Variants in NWD2 observed in about 807,000 individuals in gnomAD.
NWD2 encodes the protein NACHT and WD repeat domain containing 2, also known as NACHT and WD repeat domain-containing protein 2.
A neutral mutation model predicts 132.7 loss-of-function variants in NWD2; 37 were observed. The ratio of observed to expected loss-of-function variants is 0.28; its 90% CI spans 0.21 to 0.37. The LOEUF (loss-of-function observed/expected upper bound fraction) is 0.37. Ranked by LOEUF, NWD2 falls within the 10% of genes least tolerant of loss-of-function variation. The pLI, the probability that NWD2 is intolerant of heterozygous loss-of-function variation, is 1.00. For synonymous variants in NWD2, 705 were observed against 803.0 expected (o/e 0.88, Z 2.06); for missense variants, 1,592 against 2,122.4 (o/e 0.75, Z 4.91).
chr4:37,362,416 A>C (rs1010974171), intron 3 of NWD2, among the ~76,000 whole-genome samples: 1 of 152,184 alleles, frequency 6.6e-6, no homozygotes, highest in African/African-American at 2.4e-5. Context: ...CCAACTTCAA[A>C]CTATGCTATA....
At chr4:37,398,183 A>G (rs892385216) in intron 3 of NWD2, among the ~76,000 whole-genome samples, 1 of 152,216 alleles carries the variant, frequency 6.6e-6, no homozygotes, top group Non-Finnish European at 1.5e-5. Context: ...CCATTTTACT[A>G]AGGCCCAAGG....
rs71185140 is a variant in NWD2, at chr4:37,432,364, G to GAA, written c.562-1495_562-1494dup. Among the ~76,000 whole-genome samples the GAA allele has an allele frequency of 4.3e-3, 590 of 138,608 alleles. 6 individuals carry two copies. The highest frequency in any genetic ancestry group is 0.014 in the African/African-American group (536 of 38,024). 90.9% of individuals were successfully genotyped at this position (138,608 alleles called of 152,430 possible). ...GAATAATACATGTGAGGGTGAAGAA[G>GAA]AAAAAAAAAAAAAAAAAATCAAGAA... On this transcript the variant is annotated intron_variant, in intron 4 of 6. Transcript: ENST00000309447.
chr4:37,263,967 G>T (rs1288235621), intron 1 of NWD2, among the ~76,000 whole-genome samples: 1 of 152,154 alleles, frequency 6.6e-6, no homozygotes, highest in Non-Finnish European at 1.5e-5. Context: ...AAATAAGATG[G>T]TAATTAAAGA....
At chr4:37,288,943 A>G (rs1005244585) in intron 1 of NWD2, among the ~76,000 whole-genome samples, 2 of 149,874 alleles carry the variant, frequency 1.3e-5, no homozygotes, top group African/African-American at 5.0e-5. Flanking sequence ...CAACAGTTAT[A>G]AATTGCCTAT....
intron 1 of NWD2, among the ~76,000 whole-genome samples, chr4:37,282,084 A>G (rs1430989683): frequency 2.6e-5 from 4 of 152,196 alleles, no homozygotes; most frequent in African/African-American, 7.2e-5. Context: ...GCAATTATGC[A>G]TAGACCTTTA....
chr4:37,318,424 G>A (rs797019112), intron 1 of NWD2, among the ~76,000 whole-genome samples: 11 of 152,258 alleles, frequency 7.2e-5, no homozygotes, highest in East Asian at 3.9e-4. Context: ...TACAAAAAAG[G>A]TATTTTTTAA....
At chr4:37,428,851 C>A (rs1712076796) in intron 3 of NWD2, among the ~76,000 whole-genome samples, 1 of 152,222 alleles carries the variant, frequency 6.6e-6, no homozygotes, top group Non-Finnish European at 1.5e-5. Flanking sequence ...CCTGCCTCAG[C>A]CTCCCCAGTA....
intron 1 of NWD2, among the ~76,000 whole-genome samples, chr4:37,304,251 GA>G (rs1191355529): frequency 1.3e-5 from 2 of 152,142 alleles, no homozygotes; most frequent in African/African-American, 4.8e-5. Context: ...CAGCAAGGGG[GA>G]AGTTTGCCCC....
rs989012973 is a variant in NWD2, at chr4:37,370,830, G to T, written c.357+14348G>T. On this transcript the variant is annotated intron_variant, in intron 3 of 6. Coordinates refer to ENST00000309447, the MANE Select transcript of NWD2 (RefSeq NM_001144990.2). ...AAATATTAATGCTAGCCTTAATTTT[G>T]CCTCATTTTGTTGCTTATCTGAAAA... 1.6e-4 allele frequency among the ~76,000 whole-genome samples: 25 copies of T among 152,154 alleles called. 1 individual carries two copies. The highest frequency in any genetic ancestry group is 5.3e-4 in the African/African-American group (22 of 41,510).
intron 3 of NWD2, among the ~76,000 whole-genome samples, chr4:37,403,687 C>T (rs950371861): frequency 5.3e-5 from 8 of 152,246 alleles, no homozygotes; most frequent in South Asian, 2.1e-4. Flanking sequence ...CAGAAAAAAG[C>T]GACTCTACTT....
chr4:37,411,766 C>T (rs1291908596), intron 3 of NWD2, among the ~76,000 whole-genome samples: 2 of 152,322 alleles, frequency 1.3e-5, no homozygotes, highest in Non-Finnish European at 2.9e-5. Flanking sequence ...TCCAGCAGCA[C>T]ATCAAAAAGC....
intron 1 of NWD2, among the ~76,000 whole-genome samples, chr4:37,317,524 T>G (rs1250831504): frequency 2.6e-5 from 4 of 152,224 alleles, no homozygotes; most frequent in Non-Finnish European, 5.9e-5. Context: ...TGATGTTGAT[T>G]GACTTTCTTT....
Position 37,445,206 on chromosome 4 carries a change from C to T in NWD2, c.3218C>T (p.Ala1073Val). 1.9e-6 allele frequency: 3 copies of T among 1,551,966 alleles called. No homozygotes were observed. The highest frequency in any genetic ancestry group is 2.6e-6 in the Non-Finnish European group (3 of 1,147,072). ...ACACTGTCCGCCAACCACGCCCTTG[C>T]ATGGCTCGAAGCCAGCAAAGATGTC... is the stretch of plus-strand genomic sequence containing the variant. ...GFTLSANHAL[A>V]WLEASKDVTV... The change falls in exon 7 of 7, where the codon GCA (alanine) becomes GTA (valine). Residue 1073 changes from alanine (A) to valine (V), a missense_variant. Physicochemically the swap from Ala to Val is moderately conservative, Grantham distance 64 (BLOSUM62 0). Coordinates refer to ENST00000309447, the MANE Select transcript of NWD2 (RefSeq NM_001144990.2). The surrounding 1 kb of genome is among the most constrained non-coding windows in gnomAD (Gnocchi z 4.7).
intron 3 of NWD2, among the ~76,000 whole-genome samples, chr4:37,358,374 C>T (rs969878815): frequency 4.0e-5 from 6 of 148,752 alleles, no homozygotes; most frequent in Admixed American, 2.6e-4. Flanking sequence ...GAACGAACAC[C>T]GAAAAACAGT....
chr4:37,418,678 T>A (rs915004716), intron 3 of NWD2, among the ~76,000 whole-genome samples: 2 of 151,844 alleles, frequency 1.3e-5, no homozygotes, highest in African/African-American at 4.8e-5. Flanking sequence ...GGGTTATAAA[T>A]CCCATAATGG....
intron 1 of NWD2, among the ~76,000 whole-genome samples, chr4:37,322,473 TA>T (rs1309747745): frequency 2.0e-5 from 3 of 152,062 alleles, no homozygotes; most frequent in Admixed American, 6.6e-5. Context: ...GAATATAATC[TA>T]AGAATCAAGT....
intron 3 of NWD2, among the ~76,000 whole-genome samples, chr4:37,375,055 A>G (rs1009707969): frequency 2.0e-5 from 3 of 152,232 alleles, no homozygotes; most frequent in Non-Finnish European, 2.9e-5. Flanking sequence ...CTTCCAAAAC[A>G]TGGGCAAGGT....
intron 3 of NWD2, among the ~76,000 whole-genome samples, chr4:37,405,600 C>T (rs1213660451): frequency 2.0e-5 from 3 of 152,158 alleles, no homozygotes; most frequent in Admixed American, 6.5e-5. Context: ...GTGACAACTG[C>T]GACTTTCCAT....
At chr4:37,251,172 G>T (rs573803991) in intron 1 of NWD2, among the ~76,000 whole-genome samples, 165 of 152,266 alleles carry the variant, frequency 1.1e-3, no homozygotes, top group African/African-American at 3.9e-3. Context: ...CCAGCTACTT[G>T]GGAGGCTGAG....
Sources: allele counts gnomAD v4.1 joint callset (sites outside exome capture counted in the v4.1 genomes callset), GRCh38; gene constraint gnomAD v4.1.1; non-coding constraint Gnocchi (gnomAD v3.1); transcripts MANE v1.5; gene names NCBI Gene and HGNC (gene_info 2026-07-23, HGNC 2026-07-21).